Variants in SNX29 observed in about 807,000 individuals in gnomAD.
SNX29 encodes the protein sorting nexin-29.
In SNX29, 78 loss-of-function variants were observed where a neutral mutation model predicts 102.1. The observed-to-expected ratio is 0.76, with a 90% CI of 0.64 to 0.92. The LOEUF (loss-of-function observed/expected upper bound fraction) is 0.92, where lower values mean the gene tolerates loss of function less well. Ranked by LOEUF, SNX29 falls within the 40% of genes least tolerant of loss-of-function variation. The pLI is 0.00. For missense variants in SNX29, 1,280 were observed against 1,061.7 expected (o/e 1.21, Z -2.86); for synonymous variants, 580 against 414.5 (o/e 1.40, Z -4.85).
chr16:12,119,217 G>T (rs1220369677), intron 11 of SNX29, among the ~76,000 whole-genome samples: 1 of 152,142 alleles, frequency 6.6e-6, no homozygotes, highest in Non-Finnish European at 1.5e-5. Flanking sequence ...CTCCTTAGCC[G>T]GGGTCCTCTC....
At position 12,572,772 on chromosome 16, in the gene SNX29, AC is replaced by A. The variant is rs762635503; in HGVS notation, c.*4147del. ...TTTCAGCTTCTGGGACCCGAGGAAG[AC>A]CCCACCTCACTCCTCCTTCCCCAGT... On this transcript the variant is annotated 3_prime_UTR_variant, in exon 21 of 21. Coordinates refer to ENST00000566228, the MANE Select transcript of SNX29 (RefSeq NM_032167.5). The A allele has an allele frequency of 1.2e-5, 13 of 1,063,684 alleles. No homozygotes were observed. Among genetic ancestry groups the A allele is most frequent in the Non-Finnish European group, 1.5e-5 (13 of 878,314 alleles). The allele number at this position is 1,063,684 out of a possible 1,614,324, so 65.9% of individuals were successfully genotyped here. A position where few individuals can be genotyped will look rare whatever the true frequency, so the allele number is the denominator to read the frequency against.
At chr16:12,009,434 T>A (rs928961364) in intron 3 of SNX29, among the ~76,000 whole-genome samples, 1 of 150,128 alleles carries the variant, frequency 6.7e-6, no homozygotes, top group African/African-American at 2.5e-5. Flanking sequence ...TGTATATATA[T>A]ATTTTTATAT....
At chr16:12,216,222 C>G (rs868643808) in intron 14 of SNX29, among the ~76,000 whole-genome samples, 25 of 152,308 alleles carry the variant, frequency 1.6e-4, no homozygotes, top group African/African-American at 6.0e-4. Flanking sequence ...AACCCTCAAG[C>G]ACTGTTAATA....
chr16:12,020,313 T>G (rs1005925306), intron 3 of SNX29, among the ~76,000 whole-genome samples: 27 of 151,990 alleles, frequency 1.8e-4, no homozygotes, highest in African/African-American at 6.5e-4. Flanking sequence ...TTTGTAGAGA[T>G]AGGGTTTCAG....
At chr16:12,042,121 C>T (rs1273983073) in intron 4 of SNX29, among the ~76,000 whole-genome samples, 3 of 152,278 alleles carry the variant, frequency 2.0e-5, no homozygotes, top group Non-Finnish European at 4.4e-5. Flanking sequence ...ACCTCCGCCT[C>T]CTGGGTTTAA....
intron 14 of SNX29, among the ~76,000 whole-genome samples, chr16:12,208,709 T>C (rs2077108110): frequency 6.6e-6 from 1 of 151,974 alleles, no homozygotes; most frequent in African/African-American, 2.4e-5. Context: ...GGTGTGCTGG[T>C]GCGTGCCTGT....
At chr16:12,370,035 A>G (rs557741702) in intron 16 of SNX29, among the ~76,000 whole-genome samples, 22 of 152,172 alleles carry the variant, frequency 1.4e-4, no homozygotes, top group Non-Finnish European at 2.5e-4. Flanking sequence ...AGCCTGGCCA[A>G]CGTGGTGAAA....
intron 19 of SNX29, among the ~76,000 whole-genome samples, chr16:12,504,831 G>A (rs1422669002): frequency 6.6e-6 from 1 of 152,160 alleles, no homozygotes; most frequent in East Asian, 1.9e-4. Context: ...ATCCCCTGGG[G>A]GTCTTGGAAT....
chr16:12,387,005 A>T (rs2083364256), intron 16 of SNX29, among the ~76,000 whole-genome samples: 1 of 152,166 alleles, frequency 6.6e-6, no homozygotes, highest in Admixed American at 6.5e-5. Flanking sequence ...TACGCCTGTC[A>T]TCCCAGCTAC....
At chr16:12,220,058 C>A (rs922863584) in intron 14 of SNX29, among the ~76,000 whole-genome samples, 1 of 152,258 alleles carries the variant, frequency 6.6e-6, no homozygotes, top group Non-Finnish European at 1.5e-5. Context: ...AAAACTGATT[C>A]TGCTGTTACT....
intron 16 of SNX29, among the ~76,000 whole-genome samples, chr16:12,385,845 G>A (rs1189236699): frequency 2.6e-5 from 4 of 152,202 alleles, no homozygotes; most frequent in Non-Finnish European, 4.4e-5. Flanking sequence ...AAAACGGGGC[G>A]GCAAGATGGA....
At chr16:12,540,983 A>G (rs2077308677) in intron 20 of SNX29, among the ~76,000 whole-genome samples, 1 of 152,100 alleles carries the variant, frequency 6.6e-6, no homozygotes, top group Non-Finnish European at 1.5e-5. Context: ...GCTACAGGGG[A>G]AAAATGGTGA....
chr16:12,346,831 T>A (rs1010546586), intron 15 of SNX29, among the ~76,000 whole-genome samples: 1 of 152,130 alleles, frequency 6.6e-6, no homozygotes, highest in East Asian at 1.9e-4. Flanking sequence ...CATCATTGTC[T>A]CCAGGGGGGT....
intron 18 of SNX29, among the ~76,000 whole-genome samples, chr16:12,442,505 C>G (rs1055671594): frequency 2.6e-5 from 4 of 152,062 alleles, no homozygotes; most frequent in African/African-American, 9.7e-5. Flanking sequence ...CGTGCAGCCT[C>G]CATCTCAGAT....
At chr16:12,064,237 G>GCCC (rs2050916308) in intron 9 of SNX29, among the ~76,000 whole-genome samples, 1 of 152,018 alleles carries the variant, frequency 6.6e-6, no homozygotes, top group African/African-American at 2.4e-5. Context: ...GCTTAGCTGG[G>GCCC]CCTCCTGAAC....
At chr16:12,300,178 A>C (rs957498032) in intron 15 of SNX29, among the ~76,000 whole-genome samples, 1 of 152,200 alleles carries the variant, frequency 6.6e-6, no homozygotes, top group African/African-American at 2.4e-5. Context: ...GGCCGGGATA[A>C]ATACAATTTC....
chr16:12,567,055 G>T (rs979598343), intron 20 of SNX29, among the ~76,000 whole-genome samples: 1 of 152,252 alleles, frequency 6.6e-6, no homozygotes, highest in African/African-American at 2.4e-5. Context: ...AAGATGCTAG[G>T]CTGTTTCAGG....
intron 19 of SNX29, among the ~76,000 whole-genome samples, chr16:12,495,154 G>A (rs552337108): frequency 7.2e-5 from 11 of 152,032 alleles, no homozygotes; most frequent in South Asian, 2.1e-4. Flanking sequence ...CAATTCTTTC[G>A]TTTTCTTTTT....
chr16:12,111,491 C>T (rs148332265), intron 11 of SNX29, among the ~76,000 whole-genome samples: 26 of 152,292 alleles, frequency 1.7e-4, no homozygotes, highest in Admixed American at 9.8e-4. Context: ...TCCCTCCCTG[C>T]GCAGGAGTCC....
Sources: allele counts gnomAD v4.1 joint callset (sites outside exome capture counted in the v4.1 genomes callset), GRCh38; gene constraint gnomAD v4.1.1; transcripts MANE v1.5; gene names NCBI Gene and HGNC (gene_info 2026-07-23, HGNC 2026-07-21).